The following HPSE2 variants were observed in gnomAD, a reference collection of about 807,000 sequenced individuals.
HPSE2 encodes inactive heparanase-2.
Under a neutral mutation model 60.5 loss-of-function variants are expected in HPSE2, and 38 were observed. The observed-to-expected ratio is 0.63, with a 90% CI of 0.48 to 0.82. HPSE2 has a LOEUF of 0.82. Ranked by LOEUF, HPSE2 falls within the 40% of genes least tolerant of loss-of-function variation. HPSE2 has a pLI of 0.00. For missense variants in HPSE2, 713 were observed against 740.4 expected (o/e 0.96, Z 0.43); for synonymous variants, 295 against 293.2 (o/e 1.01, Z -0.06).
chr10:98,563,687 C>T (rs505981), intron 9 of HPSE2, among the ~76,000 whole-genome samples: 129,354 of 152,224 alleles, frequency 0.85, 56,222 homozygotes, highest in East Asian at 1. Flanking sequence ...GATAACCACA[C>T]TTGACATTTT....
At chr10:99,217,555 A>G (rs899365130) in intron 2 of HPSE2, among the ~76,000 whole-genome samples, 1 of 149,624 alleles carries the variant, frequency 6.7e-6, no homozygotes, top group African/African-American at 2.4e-5. Context: ...CTAGAGATTG[A>G]ATTGGCCTAG....
intron 3 of HPSE2, among the ~76,000 whole-genome samples, chr10:99,125,452 C>T (rs1845125889): frequency 6.6e-6 from 1 of 152,192 alleles, no homozygotes; most frequent in Admixed American, 6.5e-5. Flanking sequence ...AGGAAGACGG[C>T]AGATTGGATA....
At chr10:99,261,770 C>T in the HPSE2 span, among the ~76,000 whole-genome samples, 1 of 152,158 alleles carries the variant, frequency 6.6e-6, no homozygotes, top group Non-Finnish European at 1.5e-5. Flanking sequence ...GTGAGAAAAA[C>T]CCCAGCCACA....
intron 3 of HPSE2, among the ~76,000 whole-genome samples, chr10:99,089,996 G>A (rs753591054): frequency 6.6e-6 from 1 of 152,156 alleles, no homozygotes; most frequent in Non-Finnish European, 1.5e-5. Context: ...GTGTATAGCA[G>A]GGCTACTGAT....
At chr10:98,565,365 C>T (rs959406414) in intron 9 of HPSE2, among the ~76,000 whole-genome samples, 1 of 151,960 alleles carries the variant, frequency 6.6e-6, no homozygotes, top group African/African-American at 2.4e-5. Context: ...GTGTTTGTTC[C>T]CCTCCCTGTG....
intron 9 of HPSE2, among the ~76,000 whole-genome samples, chr10:98,540,908 A>G (rs536198098): frequency 6.5e-4 from 99 of 152,348 alleles, no homozygotes; most frequent in African/African-American, 1.9e-3. Context: ...GAACCTAAAG[A>G]CTATAATATA....
At chr10:99,209,263 T>G (rs1848871678) in intron 2 of HPSE2, among the ~76,000 whole-genome samples, 1 of 152,176 alleles carries the variant, frequency 6.6e-6, no homozygotes, top group Non-Finnish European at 1.5e-5. Context: ...CTTAACAAAT[T>G]AAGGAAGACT....
intron 9 of HPSE2, among the ~76,000 whole-genome samples, chr10:98,531,363 G>A (rs778151066): frequency 3.9e-5 from 6 of 152,158 alleles, no homozygotes; most frequent in African/African-American, 1.4e-4. Context: ...ACCCCTTTCC[G>A]ATGGGAAAAC....
At chr10:99,026,292 T>G (rs932595632) in intron 3 of HPSE2, among the ~76,000 whole-genome samples, 1 of 152,088 alleles carries the variant, frequency 6.6e-6, no homozygotes, top group Non-Finnish European at 1.5e-5. Flanking sequence ...AGATATTCCA[T>G]GCCAGTGGAA....
the HPSE2 span, among the ~76,000 whole-genome samples, chr10:99,310,028 C>T: frequency 6.6e-6 from 1 of 152,222 alleles, no homozygotes; most frequent in Non-Finnish European, 1.5e-5. Flanking sequence ...AATTCTTTAT[C>T]TCTTCCAGTT....
intron 3 of HPSE2, among the ~76,000 whole-genome samples, chr10:99,001,770 AT>A (rs574351493): frequency 3.9e-5 from 6 of 152,252 alleles, no homozygotes; most frequent in Admixed American, 3.9e-4. Flanking sequence ...TGAGTAAAAA[AT>A]ATGACATAAA....
chr10:98,702,474 A>G (rs1242241766), intron 5 of HPSE2, among the ~76,000 whole-genome samples: 1 of 152,180 alleles, frequency 6.6e-6, no homozygotes, highest in Non-Finnish European at 1.5e-5. Context: ...ATAGACATCT[A>G]CAGAACTCTC....
chr10:99,177,575 T>A (rs995198940), intron 2 of HPSE2, among the ~76,000 whole-genome samples: 5 of 152,062 alleles, frequency 3.3e-5, no homozygotes, highest in African/African-American at 1.2e-4. Context: ...CAGCTAATTA[T>A]CCTAAATGTA....
chr10:99,029,411 C>T lies in HPSE2; in HGVS notation c.610+114827G>A, dbSNP rs373231659. Among the ~76,000 whole-genome samples the T allele has an allele frequency of 4.1e-4, 63 of 152,276 alleles. 1 individual carries two copies. In the East Asian group the frequency reaches 6.8e-3, roughly 16 times the overall value. On this transcript the variant is annotated intron_variant, in intron 3 of 11. Transcript: ENST00000370552. ...AGATAAAAGAAAAGCCAGCTGGGCCCGGGGGACCACTACCACCAATGCGCA... is the reference window on the plus strand; with the variant it reads ...AGATAAAAGAAAAGCCAGCTGGGCCTGGGGGACCACTACCACCAATGCGCA...
At chr10:98,891,860 C>T (rs1233532052) in intron 3 of HPSE2, among the ~76,000 whole-genome samples, 1 of 152,068 alleles carries the variant, frequency 6.6e-6, no homozygotes, top group East Asian at 1.9e-4. Flanking sequence ...ACCTCCACCT[C>T]CCTGGCTCAG....
the HPSE2 span, among the ~76,000 whole-genome samples, chr10:99,310,085 T>G: frequency 6.6e-6 from 1 of 152,246 alleles, no homozygotes; most frequent in Non-Finnish European, 1.5e-5. Flanking sequence ...TCACTCCATC[T>G]TCACATTGCC....
intron 3 of HPSE2, among the ~76,000 whole-genome samples, chr10:98,767,527 CTA>C (rs199996140): frequency 0.037 from 5,477 of 146,494 alleles, 231 homozygotes; most frequent in East Asian, 0.17. Flanking sequence ...ACTATATATA[CTA>C]TATATATTAT....
chr10:98,835,031 C>T (rs1269186806), intron 3 of HPSE2, among the ~76,000 whole-genome samples: 1 of 151,958 alleles, frequency 6.6e-6, no homozygotes, highest in Non-Finnish European at 1.5e-5. Flanking sequence ...GTAAGCATGA[C>T]CCACATAAAC....
At chr10:99,029,413 G>A (rs558351638) in intron 3 of HPSE2, among the ~76,000 whole-genome samples, 1 of 152,322 alleles carries the variant, frequency 6.6e-6, no homozygotes, top group Non-Finnish European at 1.5e-5. Flanking sequence ...GCTGGGCCCG[G>A]GGGACCACTA....
Sources: gnomAD v4.1 joint callset for allele counts (sites outside exome capture counted in the v4.1 genomes callset) on GRCh38, gnomAD v4.1.1 for gene constraint, MANE v1.5 for transcripts, NCBI Gene and HGNC (gene_info 2026-07-23, HGNC 2026-07-21) for gene names.